The following DDX60 variants were observed in gnomAD, a reference collection of about 807,000 sequenced individuals.
DDX60 encodes the protein probable ATP-dependent RNA helicase DDX60.
In DDX60, 165 loss-of-function variants were observed where a neutral mutation model predicts 212.8. The ratio of observed to expected loss-of-function variants is 0.78; its 90% CI spans 0.68 to 0.88. DDX60 has a LOEUF of 0.88. Ranked by LOEUF, DDX60 falls within the 40% of genes least tolerant of loss-of-function variation. The pLI is 0.00. For missense variants in DDX60, 1,905 were observed against 2,003.9 expected (o/e 0.95, Z 0.94); for synonymous variants, 703 against 685.3 (o/e 1.03, Z -0.40).
intron 6 of DDX60, among the ~76,000 whole-genome samples, chr4:168,299,886 A>G (rs2149543999): frequency 7.0e-6 from 1 of 142,918 alleles, no homozygotes; most frequent in Admixed American, 6.9e-5. Flanking sequence ...GATAATCCCA[A>G]TGATCTACAC....
intron 28 of DDX60, among the ~76,000 whole-genome samples, chr4:168,250,339 C>CCT: frequency 6.6e-6 from 1 of 151,816 alleles, no homozygotes; most frequent in Non-Finnish European, 1.5e-5. Context: ...GTCAGGAGTT[C>CCT]GAGACCAGCC....
chr4:168,308,208 A>C lies in DDX60; in HGVS notation c.75-13T>G, dbSNP rs770516178. ...TAAACTGGAATATCTAAAATGAAAA[A>C]CAGTTAAAACAAAAATCACATATGC... On this transcript the variant is annotated splice_polypyrimidine_tract_variant and intron_variant, in intron 3 of 37. Coordinates refer to ENST00000393743, the MANE Select transcript of DDX60 (RefSeq NM_017631.6). 1 of 1,463,594 alleles carries C rather than the reference A, an allele frequency of 6.8e-7. No individual in the cohort carries two copies. The highest frequency in any genetic ancestry group is 9.4e-7 in the Non-Finnish European group (1 of 1,068,772). The allele number at this position is 1,463,594 out of a possible 1,614,324, so 90.7% of individuals were successfully genotyped here. A position where few individuals can be genotyped will look rare whatever the true frequency, so the allele number is the denominator to read the frequency against.
chr4:168,306,141 T>C (rs1736864471), intron 5 of DDX60, among the ~76,000 whole-genome samples: 1 of 152,192 alleles, frequency 6.6e-6, no homozygotes, highest in African/African-American at 2.4e-5. Flanking sequence ...CCTTATAAGA[T>C]TGGTTTTAAG....
intron 4 of DDX60, among the ~76,000 whole-genome samples, 175 bp from the exon 5 acceptor site, chr4:168,306,895 A>T (rs1241389563): frequency 1.3e-5 from 2 of 152,238 alleles, no homozygotes; most frequent in Admixed American, 1.3e-4. Flanking sequence ...TGCTGAAAAA[A>T]ATCACAGTTT....
chr4:168,297,344 AAGAAAGAAAGAAAG>A (rs1560870281), intron 6 of DDX60, among the ~76,000 whole-genome samples: 1 of 101,470 alleles, frequency 9.9e-6, no homozygotes, highest in Admixed American at 9.4e-5. Context: ...GAAAGAAAGA[AAGAAAGAAAGAAAG>A]AAAGAAAGAA....
intron 6 of DDX60, among the ~76,000 whole-genome samples, chr4:168,299,193 G>T (rs989885911): frequency 1.4e-5 from 2 of 137,984 alleles, no homozygotes; most frequent in Non-Finnish European, 1.5e-5. Flanking sequence ...AATCACAAAC[G>T]TGCTTTAATC....
At chr4:168,285,554 G>A in intron 10 of DDX60, 56 bp from the exon 11 acceptor site, 2 of 1,000,088 alleles carry the variant, frequency 2.0e-6, no homozygotes, top group East Asian at 2.5e-5. Flanking sequence ...TTTCAGACAG[G>A]AATATTACAT....
intron 3 of DDX60, among the ~76,000 whole-genome samples, chr4:168,308,648 A>C (rs1471945042): frequency 1.3e-5 from 2 of 149,080 alleles, no homozygotes; most frequent in Non-Finnish European, 3.0e-5. Flanking sequence ...AATAGTGTAC[A>C]TAGTTCTATA....
At chr4:168,293,717 A>G in intron 7 of DDX60, 70 bp downstream of exon 7, 1 of 1,314,688 alleles carries the variant, frequency 7.6e-7, no homozygotes. Flanking sequence ...AGGAAATGAA[A>G]GATACAAATC....
intron 13 of DDX60, among the ~76,000 whole-genome samples, chr4:168,280,834 G>C (rs1735562463): frequency 6.6e-6 from 1 of 152,142 alleles, no homozygotes; most frequent in African/African-American, 2.4e-5. Context: ...GAGTGGTGTG[G>C]TTTATAAATA....
chr4:168,301,995 C>T (rs965400179), intron 6 of DDX60, among the ~76,000 whole-genome samples: 1 of 152,222 alleles, frequency 6.6e-6, no homozygotes, highest in Non-Finnish European at 1.5e-5. Flanking sequence ...GAAACTGTTA[C>T]AGACTGGGGG....
chr4:168,231,710 A>G (rs969734182), intron 33 of DDX60, among the ~76,000 whole-genome samples: 2 of 152,076 alleles, frequency 1.3e-5, no homozygotes, highest in Non-Finnish European at 2.9e-5. Flanking sequence ...GAAAGGACAT[A>G]GCTTAAGGTA....
chr4:168,260,335 A>G (rs1037134632), intron 25 of DDX60, among the ~76,000 whole-genome samples: 16 of 152,192 alleles, frequency 1.1e-4, no homozygotes, highest in African/African-American at 3.9e-4. Context: ...TCATTGTTCA[A>G]TTCCCACCTA....
chr4:168,288,388 C>T (rs1735953298), intron 8 of DDX60, 73 bp from the exon 9 acceptor site: 3 of 1,094,018 alleles, frequency 2.7e-6, no homozygotes, highest in South Asian at 3.0e-5. Flanking sequence ...TCATATGCTT[C>T]TGAACTGAAA....
chr4:168,226,415 CT>C (rs1733257005), intron 33 of DDX60, among the ~76,000 whole-genome samples: 1 of 152,046 alleles, frequency 6.6e-6, no homozygotes, highest in South Asian at 2.1e-4. Flanking sequence ...CGCCAGAGAG[CT>C]CCCTTGCCCC....
At chr4:168,234,050 T>G (rs1232023974) in intron 33 of DDX60, among the ~76,000 whole-genome samples, 2 of 152,094 alleles carry the variant, frequency 1.3e-5, no homozygotes, top group Non-Finnish European at 2.9e-5. Context: ...TGTTCCATTG[T>G]CCACTAGCTT....
upstream of DDX60, among the ~76,000 whole-genome samples, chr4:168,322,010 T>C (rs1737618772): frequency 6.6e-6 from 1 of 152,152 alleles, no homozygotes; most frequent in African/African-American, 2.4e-5. Flanking sequence ...TCTTCATCCA[T>C]TGGCTACACT....
At chr4:168,320,691 A>G (rs573242620), upstream of DDX60, among the ~76,000 whole-genome samples, 107 of 152,350 alleles carry the variant, frequency 7.0e-4, no homozygotes, top group Middle Eastern at 3.4e-3. Context: ...GAAATAATGG[A>G]TTGTGTTATA....
intron 7 of DDX60, 51 bp from the exon 8 acceptor site, chr4:168,291,957 G>C: frequency 3.6e-6 from 5 of 1,370,934 alleles, no homozygotes; most frequent in Non-Finnish European, 4.9e-6. Flanking sequence ...GTGTGACATT[G>C]CATAATAAGC....
Sources: gnomAD v4.1 joint callset for allele counts (sites outside exome capture counted in the v4.1 genomes callset) on GRCh38, gnomAD v4.1.1 for gene constraint, MANE v1.5 for transcripts, NCBI Gene and HGNC (gene_info 2026-07-23, HGNC 2026-07-21) for gene names.